REG1B: variants seen among roughly 807,000 people sequenced by gnomAD.
REG1B encodes regenerating family member 1 beta.
Under a neutral mutation model 20.4 loss-of-function variants are expected in REG1B, and 21 were observed. That is an observed-to-expected ratio of 1.03 (90% CI 0.73 to 1.48). REG1B has a LOEUF of 1.48. REG1B is among the 40% of genes most tolerant of loss of function. The probability of loss-of-function intolerance (pLI) is 0.00; values close to 1 mark genes in which losing one functional copy is unlikely to be tolerated. For synonymous variants in REG1B, 82 were observed against 73.4 expected (o/e 1.12, Z -0.60); for missense variants, 247 against 197.2 (o/e 1.25, Z -1.51).
At chr2:79,087,239 C>T (rs1672413491) in intron 2 of REG1B, 3 of 534,088 alleles carry the variant, frequency 5.6e-6, no homozygotes, top group South Asian at 2.5e-5. Context: ...TTTCCCTGCA[C>T]ACGTTTGCCT....
intron 4 of REG1B, chr2:79,086,112 T>G: frequency 2.1e-6 from 1 of 468,954 alleles, no homozygotes; most frequent in Non-Finnish European, 3.8e-6. Context: ...AAGTTGTACA[T>G]AAAGATGCAT....
chr2:79,086,864 C>A lies in REG1B; in HGVS notation c.131G>T (p.Arg44Leu), dbSNP rs62640882. The A allele has an allele frequency of 2.3e-5, 37 of 1,613,738 alleles. No individual in the cohort carries two copies. Among genetic ancestry groups the A allele is most frequent in the Non-Finnish European group, 3.1e-5 (36 of 1,179,920 alleles). Residue 44 changes from arginine (R) to leucine (L), a missense_variant, in exon 3 of 6, where the codon CGC (arginine) becomes CTC (leucine). Transcript: ENST00000305089. Reference protein sequence around the residue: ...ISCPEGTNAYRSYCYYFNEDP... With the variant: ...ISCPEGTNAYLSYCYYFNEDP... Reference sequence around the variant, plus strand: ...TTCATTAAAGTAGTAGCAGTAGGAGCGATAGGCATTGGTGCCTTCTGGGCA... The same window carrying A: ...TTCATTAAAGTAGTAGCAGTAGGAGAGATAGGCATTGGTGCCTTCTGGGCA...
At chr2:79,086,593 C>T (rs1468292625) in intron 3 of REG1B, 89 bp from the exon 4 acceptor site, 2 of 1,535,748 alleles carry the variant, frequency 1.3e-6, no homozygotes, top group East Asian at 4.5e-5. Context: ...AGAAAAAGGA[C>T]AGCACAGAAA....
chr2:79,087,660 T>G lies in REG1B; in HGVS notation c.-46-2A>C. On this transcript the variant is annotated splice_acceptor_variant, in intron 1 of 5. Transcript: ENST00000305089. LOFTEE classifies it low-confidence loss of function (5UTR_SPLICE). ...GCTTAAGGAGCAAATCAGCAATCTC[T>G]GTAGGAGAACACAGGGAAGAGGGTT... 7.2e-5 allele frequency: 113 copies of G among 1,571,656 alleles called. No individual in the cohort carries two copies. Among genetic ancestry groups the G allele is most frequent in the Middle Eastern group, 1.7e-4 (1 of 5,840 alleles).
chr2:79,085,533 C>T lies in REG1B; in HGVS notation c.392G>A (p.Ser131Asn). 6.2e-7 allele frequency: 1 copy of T among 1,613,950 alleles called. No individual in the cohort carries two copies. Among genetic ancestry groups the T allele is most frequent in the Non-Finnish European group, 8.5e-7 (1 of 1,179,898 alleles). Reference sequence around the variant, plus strand: ...GCTTGCACAGTAGCCAGCATTAGCACTGCTCGGGGATCCAGTGTCCCAGGA... The same window carrying T: ...GCTTGCACAGTAGCCAGCATTAGCATTGCTCGGGGATCCAGTGTCCCAGGA... ...YKSWDTGSPS[S>N]ANAGYCASLT... The change falls in exon 5 of 6, where the codon AGT (serine) becomes AAT (asparagine). Residue 131 changes from serine to asparagine, a missense_variant. By Grantham distance (46) the Ser-to-Asn change is conservative (BLOSUM62 1). Transcript: ENST00000305089.
Position 79,085,290 on chromosome 2 carries a change from T to C in REG1B, c.434-7A>G, listed in dbSNP as rs1277100758. 3.7e-6 allele frequency: 6 copies of C among 1,600,502 alleles called. No individual in the cohort carries two copies. The highest frequency in any genetic ancestry group is 1.7e-4 in the Middle Eastern group (1 of 6,040). On this transcript the variant is annotated splice_region_variant and splice_polypyrimidine_tract_variant and intron_variant, in intron 5 of 5. Coordinates refer to ENST00000305089, the MANE Select transcript of REG1B (RefSeq NM_006507.4). The stretch of plus-strand genomic sequence containing the variant: ...TCCTTCCATTTCTTGAATCCTATGG[T>C]ACAATGAGAAGTGTCAGACATAGAG...
chr2:79,087,387 G>A (rs1255667145), intron 2 of REG1B, 162 bp downstream of exon 2: 2 of 671,652 alleles, frequency 3.0e-6, no homozygotes, highest in East Asian at 2.7e-5. Context: ...CATGAATGAG[G>A]TGAGGGTGTT....
intron 2 of REG1B, 108 bp from the exon 3 acceptor site, chr2:79,087,038 A>G: frequency 5.8e-6 from 5 of 859,448 alleles, no homozygotes; most frequent in South Asian, 2.9e-5. Flanking sequence ...ATATGGATAC[A>G]GTGAATACTG....
intron 2 of REG1B, 68 bp downstream of exon 2, chr2:79,087,481 C>A (rs557526871): frequency 1.7e-5 from 26 of 1,509,716 alleles, no homozygotes; most frequent in African/African-American, 4.2e-5. Context: ...TTCAAGTGAA[C>A]CTTATACATG....
rs1001164529 is a variant in REG1B at position 79,085,149 on chromosome 2, T to A, written c.*67A>T. 8.9e-7 allele frequency: 1 copy of A among 1,128,542 alleles called. No individual in the cohort carries two copies. Among genetic ancestry groups the A allele is most frequent in the African/African-American group, 1.5e-5 (1 of 65,780 alleles). The allele number at this position is 1,128,542 out of a possible 1,614,324, so 69.9% of individuals were successfully genotyped here. A position where few individuals can be genotyped will look rare whatever the true frequency, so the allele number is the denominator to read the frequency against. On this transcript the variant is annotated 3_prime_UTR_variant, in exon 6 of 6. Coordinates refer to ENST00000305089, the MANE Select transcript of REG1B (RefSeq NM_006507.4). ...GGTCTGAACTGAGTTGGAGACATAG[T>A]CTAGTTTAATTTTTGACTTCATAGT...
intron 2 of REG1B, chr2:79,087,275 C>T: frequency 3.7e-6 from 2 of 541,074 alleles, no homozygotes; most frequent in Non-Finnish European, 6.5e-6. Context: ...GCAATGACTA[C>T]ATAAAAACAT....
chr2:79,087,054 A>T, intron 2 of REG1B, 124 bp from the exon 3 acceptor site: 1 of 769,808 alleles, frequency 1.3e-6, no homozygotes, highest in Non-Finnish European at 2.2e-6. Context: ...TACTGGGGCG[A>T]TTGCTCACTT....
chr2:79,086,828 G>A lies in REG1B; in HGVS notation c.167C>T (p.Thr56Ile). 1.2e-6 allele frequency: 2 copies of A among 1,613,688 alleles called. No homozygotes were observed. Among genetic ancestry groups the A allele is most frequent in the South Asian group, 2.2e-5 (2 of 91,064 alleles). ...CTCACTCACATCTGCATCAACCCAG[G>A]TCTCAGGGTCTTCATTAAAGTAGTA... Reference protein sequence around the residue: ...YCYYFNEDPETWVDADLYCQN... With the variant: ...YCYYFNEDPEIWVDADLYCQN... Residue 56 changes from threonine to isoleucine, a missense_variant, in exon 3 of 6, where the codon ACC becomes ATC. Transcript: ENST00000305089.
Position 79,085,121 on chromosome 2 carries a change from G to A in REG1B, c.*95C>T. On this transcript the variant is annotated 3_prime_UTR_variant, in exon 6 of 6. Coordinates refer to ENST00000305089, the MANE Select transcript of REG1B (RefSeq NM_006507.4). ...AGCGATGCAAACTCATTAGGGAGGA[G>A]ATGGTCTGAACTGAGTTGGAGACAT... 1.2e-6 allele frequency: 1 copy of A among 835,552 alleles called. No homozygotes were observed. The highest frequency in any genetic ancestry group is 2.1e-6 in the Non-Finnish European group (1 of 486,742). 51.8% of individuals were successfully genotyped at this position (835,552 alleles called of 1,614,324 possible). A position where few individuals can be genotyped will look rare whatever the true frequency, so the allele number is the denominator to read the frequency against.
chr2:79,087,408 A>T (rs1672415873), intron 2 of REG1B, 141 bp downstream of exon 2: 1 of 794,580 alleles, frequency 1.3e-6, no homozygotes, highest in African/African-American at 1.8e-5. Context: ...TTTGAATGGG[A>T]TAAAATCAGC....
At chr2:79,087,010 G>A (rs1672410834) in intron 2 of REG1B, 80 bp from the exon 3 acceptor site, 15 of 1,159,120 alleles carry the variant, frequency 1.3e-5, no homozygotes, top group Non-Finnish European at 1.8e-5. Flanking sequence ...GGGGCTTCTT[G>A]GTGTCCTTTA....
In REG1B at chr2:79,086,843, T is replaced by C. The variant is rs1230787418; in HGVS notation, c.152A>G (p.Asn51Ser). The part of the protein sequence containing the change: ...NAYRSYCYYF[N>S]EDPETWVDAD... ...ATCAACCCAGGTCTCAGGGTCTTCA[T>C]TAAAGTAGTAGCAGTAGGAGCGATA... is the stretch of plus-strand genomic sequence containing the variant. The change falls in exon 3 of 6, where the codon AAT (asparagine) becomes AGT (serine). Residue 51 changes from asparagine (N) to serine (S), a missense_variant. Transcript: ENST00000305089. 4 of 1,613,958 alleles carry C rather than the reference T, an allele frequency of 2.5e-6. No homozygotes were observed. The highest frequency in any genetic ancestry group is 4.5e-5 in the East Asian group (2 of 44,858).
chr2:79,087,050 G>A, intron 2 of REG1B, 120 bp from the exon 3 acceptor site: 1 of 793,748 alleles, frequency 1.3e-6, no homozygotes, highest in East Asian at 2.5e-5. Flanking sequence ...TGAATACTGG[G>A]GCGATTGCTC....
Position 79,086,502 on chromosome 2 carries a change from G to C in REG1B, c.186C>G (p.Leu62=). ...TGCCTGAATTCATGTTCTGGCAATA[G>C]AGCTGTTGGAGAAGAAAATGGAGCA... ...EDPETWVDAD[L]YCQNMNSGNL... The change falls in exon 4 of 6, where the codon CTC becomes CTG. Residue 62 remains leucine (L), a splice_region_variant and synonymous_variant. Transcript: ENST00000305089. 2 of 1,613,428 alleles carry C rather than the reference G, an allele frequency of 1.2e-6. No homozygotes were observed. Among genetic ancestry groups the C allele is most frequent in the Non-Finnish European group, 1.7e-6 (2 of 1,179,926 alleles).
Sources: allele counts gnomAD v4.1 joint callset, GRCh38; gene constraint gnomAD v4.1.1; transcripts MANE v1.5; gene names NCBI Gene and HGNC (gene_info 2026-07-23, HGNC 2026-07-21).